CCDC144A: variants seen among roughly 807,000 people sequenced by gnomAD.
CCDC144A encodes coiled-coil domain-containing protein 144A.
Under a neutral mutation model 143.8 loss-of-function variants are expected in CCDC144A, and 41 were observed. The observed-to-expected ratio is 0.29, with a 90% CI of 0.22 to 0.37. The LOEUF (loss-of-function observed/expected upper bound fraction) is 0.37. Among genes scored for constraint, CCDC144A ranks in the 10% least tolerant of loss-of-function variants. The pLI is 1.00. For missense variants in CCDC144A, 637 were observed against 1,488.8 expected, an observed-to-expected ratio of 0.43 and a Z score of 9.41; for synonymous variants, 242 against 517.9, an observed-to-expected ratio of 0.47 and a Z score of 7.23.
intron 12 of CCDC144A, among the ~76,000 whole-genome samples, chr17:16,756,822 C>G (rs189151294): frequency 2.6e-4 from 40 of 152,098 alleles, no homozygotes; most frequent in African/African-American, 9.2e-4. Context: ...ATATGGTGCT[C>G]TGGCATTGAT....
the CCDC144A span, among the ~76,000 whole-genome samples, chr17:16,669,113 A>C: frequency 6.6e-6 from 1 of 152,194 alleles, no homozygotes; most frequent in African/African-American, 2.4e-5. Flanking sequence ...TAATTTTTTA[A>C]TACAAAATGC....
the CCDC144A span, among the ~76,000 whole-genome samples, chr17:16,680,065 A>G: frequency 6.6e-6 from 1 of 152,056 alleles, no homozygotes; most frequent in Admixed American, 6.6e-5. Context: ...ATATGGTGTT[A>G]ACATGTCTTC....
chr17:16,708,565 T>G, intron 4 of CCDC144A: 1 of 533,336 alleles, frequency 1.9e-6, no homozygotes, highest in South Asian at 2.1e-5. Flanking sequence ...TCTCCTCCTT[T>G]CAGCTAAGAC....
chr17:16,717,103 C>CTTTTTTTTTTTTTT (rs1195816990), intron 6 of CCDC144A, among the ~76,000 whole-genome samples: 1 of 126,538 alleles, frequency 7.9e-6, no homozygotes, highest in Non-Finnish European at 1.6e-5. Flanking sequence ...GCTCGGCCAG[C>CTTTTTTTTTTTTTT]TTTTTTTTTT....
chr17:16,770,806 C>T (rs1301553581), intron 15 of CCDC144A, among the ~76,000 whole-genome samples: 2 of 151,720 alleles, frequency 1.3e-5, no homozygotes, highest in African/African-American at 2.4e-5. Flanking sequence ...CTTCAGCATC[C>T]TCTGTGGAAC....
At chr17:16,702,459 A>G (rs1364868304) in intron 2 of CCDC144A, among the ~76,000 whole-genome samples, 1 of 152,234 alleles carries the variant, frequency 6.6e-6, no homozygotes, top group East Asian at 1.9e-4. Flanking sequence ...GAGTGAGTAC[A>G]CTGATCTCCC....
Position 16,745,688 on chromosome 17 carries a change from C to G in CCDC144A, c.3372+10045C>G, listed in dbSNP as rs1914465940. 7 of 1,613,524 alleles carry G rather than the reference C, an allele frequency of 4.3e-6. No individual in the cohort carries two copies. In the South Asian group the frequency reaches 7.7e-5, roughly 18 times the overall value. ...TCCCCGAACCTTCTGCCTTGCAGAT[C>G]CTCCTGTTTCCGCCACACTCTCGCG... On this transcript the variant is annotated intron_variant, in intron 12 of 16. Coordinates refer to ENST00000399273, the MANE Select transcript of CCDC144A (RefSeq NM_001382000.1).
rs928943757 is a variant in CCDC144A, at chr17:16,764,099, G to A, written c.4022G>A (p.Ser1341Asn). The change falls in exon 15 of 17, where the codon AGT (serine) becomes AAT (asparagine). Residue 1341 changes from serine (S) to asparagine (N), a missense_variant. By Grantham distance (46) the Ser-to-Asn change is conservative. Coordinates refer to ENST00000399273, the MANE Select transcript of CCDC144A (RefSeq NM_001382000.1). ...ESPCVGNLND[S>N]EGLNRKHIPR... ...CCTTGCGTTGGAAATCTTAATGATA[G>A]TGAAGGTCTCAACAGAAAACATATT... 5.0e-6 allele frequency: 8 copies of A among 1,613,552 alleles called. No individual in the cohort carries two copies. In the African/African-American group the frequency reaches 8.0e-5, roughly 16 times the overall value.
chr17:16,709,461 C>G lies in CCDC144A; in HGVS notation c.1404C>G (p.Ser468Arg), dbSNP rs1309797960. The G allele has an allele frequency of 5.6e-6, 9 of 1,611,386 alleles. No homozygotes were observed. Among genetic ancestry groups the G allele is most frequent in the Middle Eastern group, 2.2e-4 (1 of 4,450 alleles). Residue 468 changes from serine to arginine, a missense_variant, in exon 5 of 17, where the codon AGC becomes AGG. Ser to Arg is a moderately radical substitution (Grantham distance 110). Transcript: ENST00000399273. Reference sequence around the variant, plus strand: ...GTGGCAGTACAAACAACTATAAAAGCCTGAAACCTAAATTAGAAAATCTGA... The same window carrying G: ...GTGGCAGTACAAACAACTATAAAAGGCTGAAACCTAAATTAGAAAATCTGA... ...SDSGSTNNYK[S>R]LKPKLENLSS... is the part of the protein sequence containing the mutation.
At chr17:16,715,515 A>G (rs1241743415) in intron 6 of CCDC144A, among the ~76,000 whole-genome samples, 1 of 152,150 alleles carries the variant, frequency 6.6e-6, no homozygotes, top group Non-Finnish European at 1.5e-5. Flanking sequence ...TGATAGTTTT[A>G]CTTATGATAA....
chr17:16,711,825 T>A lies in CCDC144A; in HGVS notation c.1715+10T>A, dbSNP rs1222851941. On this transcript the variant is annotated intron_variant, in intron 6 of 16. Transcript: ENST00000399273. ...ATGGAGAGCATGACAGGTAAGCCTA[T>A]AGCAGCGTTTAACAGGAGACAATTG... The A allele has an allele frequency of 1.3e-6, 2 of 1,580,550 alleles. No homozygotes were observed. Among genetic ancestry groups the A allele is most frequent in the South Asian group, 2.3e-5 (2 of 87,642 alleles).
At position 16,777,557 on chromosome 17, in the gene CCDC144A, G is replaced by A. The variant is rs1324536493; in HGVS notation, c.*3924G>A. The A allele has an allele frequency of 7.4e-6, 1 of 134,568 alleles. No individual in the cohort carries two copies. The highest frequency in any genetic ancestry group is 1.5e-5 in the Non-Finnish European group (1 of 65,112). 8.3% of individuals were successfully genotyped at this position (134,568 alleles called of 1,614,324 possible). On this transcript the variant is annotated 3_prime_UTR_variant, in exon 17 of 17. Transcript: ENST00000399273. ...TAAAATTGGAAATTAATTCCAAAAG[G>A]AACACTCAAAAGCATGCAAATACAT...
chr17:16,725,242 C>T (rs1014136465), intron 8 of CCDC144A, among the ~76,000 whole-genome samples: 2 of 151,436 alleles, frequency 1.3e-5, no homozygotes, highest in Non-Finnish European at 2.9e-5. Context: ...TAGGCCAGTT[C>T]CATTTATAAT....
chr17:16,682,238 T>A, the CCDC144A span, among the ~76,000 whole-genome samples: 42 of 138,206 alleles, frequency 3.0e-4, no homozygotes, highest in East Asian at 1.1e-3. Context: ...TGTGTGTGTG[T>A]GAGATGGAGA....
At chr17:16,683,773 A>G in the CCDC144A span, 3 of 1,478,058 alleles carry the variant, frequency 2.0e-6, no homozygotes, top group Admixed American at 1.7e-5. Flanking sequence ...GCAGAGCCAT[A>G]TGCAAGCACA....
At chr17:16,728,361 G>A (rs1242289042) in intron 9 of CCDC144A, among the ~76,000 whole-genome samples, 3 of 152,114 alleles carry the variant, frequency 2.0e-5, no homozygotes, top group Non-Finnish European at 4.4e-5. Context: ...TTATATAAAT[G>A]TTTTTCTACA....
chr17:16,733,611 C>T (rs1464128999), intron 11 of CCDC144A, among the ~76,000 whole-genome samples: 2 of 149,736 alleles, frequency 1.3e-5, no homozygotes, highest in Admixed American at 6.7e-5. Flanking sequence ...ATTGTAATAA[C>T]AGATAATCTC....
In CCDC144A at chr17:16,711,832, G is replaced by T. The variant is rs376774138; in HGVS notation, c.1715+17G>T. The T allele has an allele frequency of 9.5e-4, 1,492 of 1,578,834 alleles. 1 individual carries two copies. The highest frequency in any genetic ancestry group is 1.1e-3 in the Non-Finnish European group (1,311 of 1,162,378). On this transcript the variant is annotated intron_variant, in intron 6 of 16. Coordinates refer to ENST00000399273, the MANE Select transcript of CCDC144A (RefSeq NM_001382000.1). ...GCATGACAGGTAAGCCTATAGCAGC[G>T]TTTAACAGGAGACAATTGGTCAAGC...
chr17:16,675,528 C>T, the CCDC144A span, among the ~76,000 whole-genome samples: 21 of 149,362 alleles, frequency 1.4e-4, no homozygotes, highest in Non-Finnish European at 2.1e-4. Context: ...ATATAACATA[C>T]GGAAAACAAA....
Sources: allele counts gnomAD v4.1 joint callset (sites outside exome capture counted in the v4.1 genomes callset), GRCh38; gene constraint gnomAD v4.1.1; transcripts MANE v1.5; gene names NCBI Gene and HGNC (gene_info 2026-07-23, HGNC 2026-07-21).